The following ZRSR2 variants were observed in gnomAD, a reference collection of about 807,000 sequenced individuals.
ZRSR2 encodes zinc finger CCCH-type, RNA binding motif and serine/arginine rich 2.
In ZRSR2, 3 loss-of-function variants were observed where a neutral mutation model predicts 39.4. That is an observed-to-expected ratio of 0.08 (90% CI 0.03 to 0.20). The LOEUF is 0.20. Ranked by LOEUF, ZRSR2 falls within the 10% of genes least tolerant of loss-of-function variation. The pLI is 1.00. For missense variants in ZRSR2, 256 were observed against 391.5 expected (o/e 0.65, Z 2.92); for synonymous variants, 137 against 136.0 (o/e 1.01, Z -0.05).
intron 2 of ZRSR2, among the ~76,000 whole-genome samples, chrX:15,796,292 A>C (rs1410741150): frequency 8.9e-6 from 1 of 112,329 alleles, no homozygotes; most frequent in African/African-American, 3.2e-5. Flanking sequence ...ATTTTGTAGT[A>C]AACACAGTGA....
chrX:15,812,343 T>A lies in ZRSR2; in HGVS notation c.557+3025T>A, dbSNP rs1369806010. Among the ~76,000 whole-genome samples the A allele has an allele frequency of 3.6e-5, 4 of 112,462 alleles. No individual in the cohort carries two copies. The East Asian group carries it at 1.1e-3, about 31-fold the overall frequency. On this transcript the variant is annotated intron_variant, in intron 7 of 10. Transcript: ENST00000307771. Reference sequence around the variant, plus strand: ...CAAGTGATAAGTTGTGACATGAAATTCTGCGAAATTTGCAGTTACAAAATC... The same window carrying A: ...CAAGTGATAAGTTGTGACATGAAATACTGCGAAATTTGCAGTTACAAAATC...
rs1933074664 is a variant in ZRSR2 at position 15,820,295 on chromosome X, C to T, written c.916C>T (p.Arg306Trp). Residue 306 changes from arginine to tryptophan, a missense_variant, in exon 10 of 11, where the codon CGG becomes TGG. Physicochemically the swap from Arg to Trp is moderately radical, Grantham distance 101. This residue lies in a region of ZRSR2 where 58 missense variants were observed against 163.1 expected (regional missense o/e 0.36). Coordinates refer to ENST00000307771, the MANE Select transcript of ZRSR2 (RefSeq NM_005089.4). Reference protein sequence around the residue: ...QLQCEFCPVTRWKMAICGLFE... With the variant: ...QLQCEFCPVTWWKMAICGLFE... ...GCAGTGTGAATTCTGCCCCGTGACC[C>T]GGTGGAAAATGGCGATTTGTGGTAA... 1.7e-6 allele frequency: 2 copies of T among 1,210,487 alleles called. No homozygotes were observed. Among genetic ancestry groups the T allele is most frequent in the African/African-American group, 1.7e-5 (1 of 57,737 alleles).
intron 5 of ZRSR2, among the ~76,000 whole-genome samples, chrX:15,805,929 CAAA>C (rs34575364): frequency 9.8e-4 from 65 of 66,374 alleles, no homozygotes; most frequent in African/African-American, 2.2e-3. Flanking sequence ...GACTTCGTCT[CAAA>C]AAAAAAAAAA....
At chrX:15,804,053 A>G (rs1932754089) in intron 4 of ZRSR2, 58 bp from the exon 5 acceptor site, 6 of 1,105,176 alleles carry the variant, frequency 5.4e-6, no homozygotes, top group Non-Finnish European at 7.1e-6. Flanking sequence ...TGTGCGCTGT[A>G]TGTGAAATGT....
At chrX:15,810,745 G>A (rs899127233) in intron 7 of ZRSR2, among the ~76,000 whole-genome samples, 12 of 108,033 alleles carry the variant, frequency 1.1e-4, no homozygotes, top group Admixed American at 3.0e-4. Flanking sequence ...GGCCAGGCGC[G>A]GTGGCTCACA....
At chrX:15,794,102 A>G (rs926084236) in intron 2 of ZRSR2, among the ~76,000 whole-genome samples, 4 of 112,332 alleles carry the variant, frequency 3.6e-5, no homozygotes, top group African/African-American at 1.3e-4. Flanking sequence ...GTACAGTTAC[A>G]TGTACAGGTT....
At chrX:15,809,913 G>C (rs892662411) in intron 7 of ZRSR2, among the ~76,000 whole-genome samples, 3 of 112,414 alleles carry the variant, frequency 2.7e-5, no homozygotes, top group Non-Finnish European at 5.6e-5. Context: ...TGTTGTCAGT[G>C]AGTGTGCCCA....
chrX:15,796,002 C>A (rs1025714894), intron 2 of ZRSR2, among the ~76,000 whole-genome samples: 1 of 110,456 alleles, frequency 9.1e-6, no homozygotes, highest in South Asian at 3.8e-4. Flanking sequence ...CGCAGATATC[C>A]TTTCTCCTCA....
At chrX:15,811,422 C>T (rs1239328628) in intron 7 of ZRSR2, among the ~76,000 whole-genome samples, 4 of 45,129 alleles carry the variant, frequency 8.9e-5, no homozygotes, top group African/African-American at 5.2e-4. Context: ...TCTTGATTCT[C>T]ACCCCCCCCC....
Position 15,808,150 on chromosome X carries a change from A to G in ZRSR2, c.400-83A>G, listed in dbSNP as rs779491207. On this transcript the variant is annotated intron_variant, in intron 5 of 10. Transcript: ENST00000307771. Reference sequence around the variant, plus strand: ...TGCGTGTGTGTGTTTTAATTGTTCCACTTGAGATTCTTAACCAGAGAAACC... The same window carrying G: ...TGCGTGTGTGTGTTTTAATTGTTCCGCTTGAGATTCTTAACCAGAGAAACC... 3.3e-5 allele frequency: 28 copies of G among 838,884 alleles called. No individual in the cohort carries two copies. In the South Asian group the frequency reaches 4.9e-4, roughly 15 times the overall value. 69.1% of individuals were successfully genotyped at this position (838,884 alleles called of 1,213,427 possible).
chrX:15,801,030 T>G (rs1342502902), intron 3 of ZRSR2, among the ~76,000 whole-genome samples: 2 of 112,300 alleles, frequency 1.8e-5, no homozygotes, highest in African/African-American at 6.5e-5. Context: ...GCAGCCCTTC[T>G]GGCAGTGAAT....
chrX:15,799,951 G>C lies in ZRSR2; in HGVS notation c.201G>C (p.Glu67Asp), dbSNP rs1329781895. The change falls in exon 3 of 11, where the codon GAG (glutamate) becomes GAC (aspartate). Residue 67 changes from glutamate to aspartate, a missense_variant and splice_region_variant. Coordinates refer to ENST00000307771, the MANE Select transcript of ZRSR2 (RefSeq NM_005089.4). ...QLEEEKLLER[E>D]RQRLHEEWLL... Reference sequence around the variant, plus strand: ...AAGAAGAGAAGCTATTGGAAAGAGAGAGGTCAGTGCTAATTGAAACACTTA... The same window carrying C: ...AAGAAGAGAAGCTATTGGAAAGAGACAGGTCAGTGCTAATTGAAACACTTA... 5 of 1,181,110 alleles carry C rather than the reference G, an allele frequency of 4.2e-6. No individual in the cohort carries two copies. The highest frequency in any genetic ancestry group is 1.8e-5 in the African/African-American group (1 of 55,034).
At chrX:15,805,855 G>A (rs865936013) in intron 5 of ZRSR2, among the ~76,000 whole-genome samples, 3 of 98,753 alleles carry the variant, frequency 3.0e-5, no homozygotes, top group African/African-American at 7.7e-5. Flanking sequence ...CACTTGAACC[G>A]GGAGGCAGAG....
At chrX:15,811,746 A>G (rs987557859) in intron 7 of ZRSR2, among the ~76,000 whole-genome samples, 1 of 110,621 alleles carries the variant, frequency 9.0e-6, no homozygotes, top group African/African-American at 3.3e-5. Flanking sequence ...TTTGTTGGGC[A>G]TAAGTGAGAG....
chrX:15,813,018 A>C (rs1297238559), intron 7 of ZRSR2, among the ~76,000 whole-genome samples: 1 of 112,537 alleles, frequency 8.9e-6, no homozygotes, highest in Non-Finnish European at 1.9e-5. Flanking sequence ...GATGTTTCTT[A>C]CAGTGACCTT....
chrX:15,810,881 AATATATTTAT>A (rs1932870184), intron 7 of ZRSR2, among the ~76,000 whole-genome samples: 1 of 106,036 alleles, frequency 9.4e-6, no homozygotes, highest in Admixed American at 1.0e-4. Context: ...ATAAATAAAT[AATATATTTAT>A]ATATATTTAT....
chrX:15,794,144 A>G (rs1932371774), intron 2 of ZRSR2, among the ~76,000 whole-genome samples: 1 of 111,889 alleles, frequency 8.9e-6, no homozygotes, highest in Non-Finnish European at 1.9e-5. Context: ...CTTGCGTTGT[A>G]TTTACCAGTT....
chrX:15,800,412 C>G (rs927017250), intron 3 of ZRSR2, among the ~76,000 whole-genome samples: 1 of 109,779 alleles, frequency 9.1e-6, no homozygotes, highest in African/African-American at 3.3e-5. Flanking sequence ...GTCTTGATCT[C>G]TTGTGATCAA....
At chrX:15,794,163 C>G (rs1932372198) in intron 2 of ZRSR2, among the ~76,000 whole-genome samples, 1 of 111,724 alleles carries the variant, frequency 9.0e-6, no homozygotes, top group Admixed American at 9.5e-5. Context: ...TTCAGCATCC[C>G]AAATCCAAAG....
Sources: gnomAD v4.1 joint callset for allele counts (sites outside exome capture counted in the v4.1 genomes callset) on GRCh38, gnomAD v4.1.1 for gene constraint, gnomAD v4.1.1 regional missense constraint, MANE v1.5 for transcripts, NCBI Gene and HGNC (gene_info 2026-07-23, HGNC 2026-07-21) for gene names.